The following HS6ST3 variants were observed in gnomAD, a reference collection of about 807,000 sequenced individuals.
HS6ST3 encodes the protein heparan-sulfate 6-O-sulfotransferase 3.
Under a neutral mutation model 36.7 loss-of-function variants are expected in HS6ST3, and 12 were observed. That is an observed-to-expected ratio of 0.33 (90% CI 0.21 to 0.53). The LOEUF is 0.53. HS6ST3 is among the 20% of genes least tolerant of loss of function. The probability of loss-of-function intolerance (pLI) is 0.95; values close to 1 mark genes in which losing one functional copy is unlikely to be tolerated. For synonymous variants in HS6ST3, 240 were observed against 257.5 expected (o/e 0.93, Z 0.65); for missense variants, 584 against 640.9 (o/e 0.91, Z 0.96).
rs945871282 is a variant in HS6ST3, at chr13:96,327,655, C to T, written c.707+236086C>T. The stretch of plus-strand genomic sequence containing the variant: ...TTCTTTTGGCTTAGGATTGACTTGG[C>T]GATGCGGGCTCTTTTTTGGTTCCAT... On this transcript the variant is annotated intron_variant, in intron 1 of 1. Coordinates refer to ENST00000376705, the MANE Select transcript of HS6ST3 (RefSeq NM_153456.4). 7.3e-5 allele frequency among the ~76,000 whole-genome samples: 11 copies of T among 151,246 alleles called. 1 individual carries two copies. The highest frequency in any genetic ancestry group is 6.3e-4 in the South Asian group (3 of 4,772).
chr13:96,231,144 G>A (rs1350549291), intron 1 of HS6ST3, among the ~76,000 whole-genome samples: 1 of 152,022 alleles, frequency 6.6e-6, no homozygotes, highest in African/African-American at 2.4e-5. Context: ...GTTGAGGGAG[G>A]GATTGGAGAA....
intron 1 of HS6ST3, among the ~76,000 whole-genome samples, chr13:96,793,055 A>T (rs1182306445): frequency 6.6e-6 from 1 of 152,026 alleles, no homozygotes; most frequent in East Asian, 1.9e-4. Context: ...GGGAAAATGA[A>T]ACAAATTGCT....
chr13:96,747,677 C>T (rs1300143983), intron 1 of HS6ST3, among the ~76,000 whole-genome samples: 1 of 151,822 alleles, frequency 6.6e-6, no homozygotes, highest in Non-Finnish European at 1.5e-5. Context: ...TATATACACA[C>T]ATATATATAA....
At chr13:96,121,063 CAG>C (rs995287964) in intron 1 of HS6ST3, among the ~76,000 whole-genome samples, 2 of 152,166 alleles carry the variant, frequency 1.3e-5, no homozygotes, top group Non-Finnish European at 2.9e-5. Flanking sequence ...AGACCTAAAA[CAG>C]AAACTGTTAG....
intron 1 of HS6ST3, among the ~76,000 whole-genome samples, chr13:96,126,222 C>T (rs1031558824): frequency 2.6e-5 from 4 of 152,146 alleles, no homozygotes; most frequent in Non-Finnish European, 5.9e-5. Context: ...CTATTCTTTT[C>T]CAACCTAGTA....
chr13:96,783,899 C>G (rs1232835412), intron 1 of HS6ST3, among the ~76,000 whole-genome samples: 1 of 152,064 alleles, frequency 6.6e-6, no homozygotes, highest in Non-Finnish European at 1.5e-5. Flanking sequence ...GAAACTCTCA[C>G]GGTGCTGCAC....
At chr13:96,585,147 TATTA>T (rs1313858868) in intron 1 of HS6ST3, among the ~76,000 whole-genome samples, 1 of 152,222 alleles carries the variant, frequency 6.6e-6, no homozygotes, top group Non-Finnish European at 1.5e-5. Flanking sequence ...CTAATTAATG[TATTA>T]ATTGTGATTC....
chr13:96,303,819 A>G (rs150403961), intron 1 of HS6ST3, among the ~76,000 whole-genome samples: 1 of 152,298 alleles, frequency 6.6e-6, no homozygotes, highest in African/African-American at 2.4e-5. Context: ...CCTAAGATTT[A>G]ATGACTGGAA....
chr13:96,148,602 CA>C (rs1225669177), intron 1 of HS6ST3, among the ~76,000 whole-genome samples: 1 of 152,080 alleles, frequency 6.6e-6, no homozygotes, highest in Non-Finnish European at 1.5e-5. Context: ...GTGGAAACAG[CA>C]ACCTAAAGAT....
rs534720135 is a variant in HS6ST3 at position 96,194,849 on chromosome 13, A to T, written c.707+103280A>T. Among the ~76,000 whole-genome samples the T allele has an allele frequency of 8.5e-4, 128 of 150,160 alleles. 1 individual carries two copies. Among genetic ancestry groups the T allele is most frequent in the African/African-American group, 3.1e-3 (125 of 40,728 alleles). ...TTGACTTCTTTAGACTCACATTGTTATGTTCCTCTTATTTCTTTTAATTCC... is the reference window on the plus strand; with the variant it reads ...TTGACTTCTTTAGACTCACATTGTTTTGTTCCTCTTATTTCTTTTAATTCC... On this transcript the variant is annotated intron_variant, in intron 1 of 1. Coordinates refer to ENST00000376705, the MANE Select transcript of HS6ST3 (RefSeq NM_153456.4).
At chr13:96,118,682 ATATATATTTTTTTTTTTTTTTTTTT>A (rs1413672193) in intron 1 of HS6ST3, among the ~76,000 whole-genome samples, 1 of 22,230 alleles carries the variant, frequency 4.5e-5, no homozygotes, top group African/African-American at 2.0e-4. Flanking sequence ...ATATATATAT[ATATATATTTTTTTTTTTTTTTTTTT>A]TTTTTTTTTT....
At chr13:96,807,727 G>A (rs920621163) in intron 1 of HS6ST3, among the ~76,000 whole-genome samples, 64 of 152,064 alleles carry the variant, frequency 4.2e-4, no homozygotes, top group Non-Finnish European at 2.1e-4. Flanking sequence ...TTAGCTGGGC[G>A]TGGTGGTGGA....
intron 1 of HS6ST3, among the ~76,000 whole-genome samples, chr13:96,386,292 A>C (rs1041557310): frequency 6.6e-6 from 1 of 152,170 alleles, no homozygotes; most frequent in Non-Finnish European, 1.5e-5. Context: ...CACCAAAAGC[A>C]ATCTGGGAAG....
intron 1 of HS6ST3, among the ~76,000 whole-genome samples, chr13:96,645,046 A>T (rs998022377): frequency 2.6e-5 from 4 of 151,948 alleles, no homozygotes; most frequent in African/African-American, 9.7e-5. Context: ...CCATGAAGAG[A>T]TTCAGAGGCC....
intron 1 of HS6ST3, among the ~76,000 whole-genome samples, chr13:96,234,070 T>C (rs865777666): frequency 6.6e-6 from 1 of 151,688 alleles, no homozygotes. Context: ...AACAAGACTC[T>C]TTCTTTTGGG....
chr13:96,831,799 A>G (rs987358523), intron 1 of HS6ST3, among the ~76,000 whole-genome samples: 4 of 151,942 alleles, frequency 2.6e-5, no homozygotes, highest in African/African-American at 7.3e-5. Flanking sequence ...TATTAAAAAT[A>G]CAAAAATGAG....
chr13:96,271,294 T>C (rs1415631644), intron 1 of HS6ST3, among the ~76,000 whole-genome samples: 1 of 151,880 alleles, frequency 6.6e-6, no homozygotes, highest in African/African-American at 2.4e-5. Flanking sequence ...ACAGAAATAG[T>C]AAAATAGGAA....
intron 1 of HS6ST3, among the ~76,000 whole-genome samples, chr13:96,576,168 G>C (rs932608620): frequency 4.0e-5 from 6 of 150,248 alleles, no homozygotes; most frequent in African/African-American, 1.4e-4. Context: ...GGGAACGGGC[G>C]AGGGTGTGTT....
At chr13:96,317,817 A>G (rs1010544526) in intron 1 of HS6ST3, among the ~76,000 whole-genome samples, 1 of 151,894 alleles carries the variant, frequency 6.6e-6, no homozygotes, top group African/African-American at 2.4e-5. Context: ...ATGATTAATT[A>G]TAATGAGCAT....
Sources: gnomAD v4.1 joint callset for allele counts (sites outside exome capture counted in the v4.1 genomes callset) on GRCh38, gnomAD v4.1.1 for gene constraint, MANE v1.5 for transcripts, NCBI Gene and HGNC (gene_info 2026-07-23, HGNC 2026-07-21) for gene names.